Variants in ZNF701 observed in about 807,000 individuals in gnomAD.
The protein encoded by ZNF701 is zinc finger protein 701.
Under a neutral mutation model 7.1 loss-of-function variants are expected in ZNF701, and 6 were observed. The ratio of observed to expected loss-of-function variants is 0.84; its 90% CI spans 0.46 to 1.66. The LOEUF (loss-of-function observed/expected upper bound fraction) is 1.66. ZNF701 is among the 40% of genes most tolerant of loss of function. The pLI, the probability that ZNF701 is intolerant of heterozygous loss-of-function variation, is 0.01. For synonymous variants in ZNF701, 166 were observed against 188.2 expected, an observed-to-expected ratio of 0.88 and a Z score of 0.97; for missense variants, 541 against 559.2, an observed-to-expected ratio of 0.97 and a Z score of 0.33.
At position 52,584,810 on chromosome 19, in the gene ZNF701, T is replaced by C. The variant is rs1380055956; in HGVS notation, c.*1353T>C. ...AATGTGTTGATTAGTTCCAGTAGTA[T>C]TTTGGTTGACTCAGGCCCCGCCCAC... On this transcript the variant is annotated 3_prime_UTR_variant, in exon 4 of 4. Transcript: ENST00000391785. 2 of 152,226 alleles carry C rather than the reference T, an allele frequency of 1.3e-5. No individual in the cohort carries two copies. The highest frequency in any genetic ancestry group is 4.1e-4 in the South Asian group (2 of 4,838). 9.4% of individuals were successfully genotyped at this position (152,226 alleles called of 1,614,324 possible).
At chr19:52,597,147 C>T in the ZNF701 span, 3 of 675,954 alleles carry the variant, frequency 4.4e-6, no homozygotes, top group Non-Finnish European at 7.9e-6. Context: ...AGTTTATCAG[C>T]GAACTCATAC....
chr19:52,587,709 A>T (rs2060020405), downstream of ZNF701, among the ~76,000 whole-genome samples: 1 of 152,224 alleles, frequency 6.6e-6, no homozygotes. Flanking sequence ...GGCTGGCGCC[A>T]TCTGAGTGGA....
intron 2 of ZNF701, among the ~76,000 whole-genome samples, chr19:52,574,935 T>C (rs2059923335): frequency 6.7e-6 from 1 of 149,440 alleles, no homozygotes; most frequent in Non-Finnish European, 1.5e-5. Context: ...TCCTCTTCAG[T>C]TAAACAAAAT....
chr19:52,595,822 C>A, the ZNF701 span: 1 of 1,610,346 alleles, frequency 6.2e-7, no homozygotes, highest in South Asian at 1.1e-5. Context: ...TGACAGAAAC[C>A]AAAGAGTTGA....
downstream of ZNF701, among the ~76,000 whole-genome samples, chr19:52,590,781 A>G (rs1453071404): frequency 3.3e-5 from 5 of 152,092 alleles, no homozygotes; most frequent in Admixed American, 2.0e-4. Flanking sequence ...AGTTAATTTA[A>G]GTGTGTGTGG....
At chr19:52,592,317 C>T in the ZNF701 span, 27 of 1,313,848 alleles carry the variant, frequency 2.1e-5, no homozygotes, top group African/African-American at 2.8e-4. Context: ...TGATGTTGCC[C>T]CATACATGCT....
At chr19:52,571,672 T>C (rs2059901103) in intron 1 of ZNF701, among the ~76,000 whole-genome samples, 2 of 152,006 alleles carry the variant, frequency 1.3e-5, no homozygotes, top group Admixed American at 6.5e-5. Flanking sequence ...CCAAGCATTC[T>C]TGATTGAAAA....
rs201183096 is a variant in ZNF701, at chr19:52,576,623, GT to G, written c.142+604del. Among the ~76,000 whole-genome samples the G allele has an allele frequency of 5.6e-5, 8 of 143,106 alleles. No individual in the cohort carries two copies. The East Asian group carries it at 1.5e-3, about 28-fold the overall frequency. 93.9% of individuals were successfully genotyped at this position (143,106 alleles called of 152,430 possible). On this transcript the variant is annotated intron_variant, in intron 3 of 3. Transcript: ENST00000391785. ...CTTTTCCTGTGCTTTCGATTCAGTA[GT>G]TCTTGGAAGAGAGCTTGATGTCCAC...
At position 52,586,782 on chromosome 19, in the gene ZNF701, A is replaced by G. The variant is rs1341453358; in HGVS notation, c.*3325A>G. On this transcript the variant is annotated 3_prime_UTR_variant, in exon 4 of 4. Coordinates refer to ENST00000391785, the MANE Select transcript of ZNF701 (RefSeq NM_018260.3). The stretch of plus-strand genomic sequence containing the variant: ...CACTGACCCCTGAAATGATGGGCAC[A>G]ATGGAGTGTGTGGCTTTTCCTGTAG... 6.6e-6 allele frequency: 1 copy of G among 152,222 alleles called. No individual in the cohort carries two copies. Among genetic ancestry groups the G allele is most frequent in the Non-Finnish European group, 1.5e-5 (1 of 68,042 alleles). 9.4% of individuals were successfully genotyped at this position (152,222 alleles called of 1,614,324 possible). A position where few individuals can be genotyped will look rare whatever the true frequency, so the allele number is the denominator to read the frequency against.
chr19:52,596,865 A>C, the ZNF701 span: 1 of 550,502 alleles, frequency 1.8e-6, no homozygotes, highest in Non-Finnish European at 3.7e-6. Context: ...TAAGGTTTCT[A>C]ATCAACAATC....
At chr19:52,581,147 A>T (rs544869) in intron 3 of ZNF701, among the ~76,000 whole-genome samples, 27,287 of 151,884 alleles carry the variant, frequency 0.18, 3,672 homozygotes, top group African/African-American at 0.38. Flanking sequence ...CAAAATTTTT[A>T]AAAAAAAGTC....
chr19:52,575,285 A>G (rs2059926669), intron 2 of ZNF701, among the ~76,000 whole-genome samples: 1 of 151,986 alleles, frequency 6.6e-6, no homozygotes, highest in Non-Finnish European at 1.5e-5. Flanking sequence ...TTGTATTTTT[A>G]AAACCTTTAT....
At position 52,573,015 on chromosome 19, in the gene ZNF701, G is replaced by C. The variant is rs184431009; in HGVS notation, c.-71-1062G>C. On this transcript the variant is annotated intron_variant, in intron 1 of 3. Coordinates refer to ENST00000391785, the MANE Select transcript of ZNF701 (RefSeq NM_018260.3). ...CAACTGAATTTCCCTCTGCCCATCA[G>C]TCTCTATCACATTACTCAGGTTTTA... The C allele has an allele frequency of 3.4e-5, 9 of 265,424 alleles. No individual in the cohort carries two copies. In the East Asian group the frequency reaches 1.0e-3, roughly 31 times the overall value. 16.4% of individuals were successfully genotyped at this position (265,424 alleles called of 1,614,324 possible).
In ZNF701 at chr19:52,583,099, T is replaced by A. The variant is rs765927537; in HGVS notation, c.1040T>A (p.Ile347Asn). 14 of 1,613,572 alleles carry A rather than the reference T, an allele frequency of 8.7e-6. No individual in the cohort carries two copies. The East Asian group carries it at 2.2e-4, about 26-fold the overall frequency. Residue 347 changes from isoleucine (I) to asparagine (N), a missense_variant, in exon 4 of 4, where the codon ATT (isoleucine) becomes AAT (asparagine). Coordinates refer to ENST00000391785, the MANE Select transcript of ZNF701 (RefSeq NM_018260.3). ...RKSHLERHRR[I>N]HTGEKPYKCK... Reference sequence around the variant, plus strand: ...TCACACCTTGAAAGACATAGGAGAATTCACACTGGAGAGAAACCATACAAA... The same window carrying A: ...TCACACCTTGAAAGACATAGGAGAAATCACACTGGAGAGAAACCATACAAA...
At position 52,582,872 on chromosome 19, in the gene ZNF701, G is replaced by A. The variant is rs773376969; in HGVS notation, c.813G>A (p.Thr271=). The change falls in exon 4 of 4, where the codon ACG becomes ACA. Residue 271 remains threonine (T), a synonymous_variant. Transcript: ENST00000391785. The part of the protein sequence containing the change: ...HRCHTGENPY[T]CNECGKTFSH... ...GTCACACTGGTGAGAATCCTTACAC[G>A]TGTAATGAGTGTGGCAAGACATTCA... The A allele has an allele frequency of 1.2e-6, 2 of 1,613,178 alleles. No individual in the cohort carries two copies. The highest frequency in any genetic ancestry group is 1.7e-6 in the Non-Finnish European group (2 of 1,179,294).
intron 1 of ZNF701, among the ~76,000 whole-genome samples, chr19:52,571,238 G>GAC (rs1286017565): frequency 6.7e-6 from 1 of 148,640 alleles, no homozygotes; most frequent in Non-Finnish European, 1.5e-5. Flanking sequence ...CAGAGTGAGA[G>GAC]AGAGAGAGAG....
the ZNF701 span, chr19:52,596,720 A>G: frequency 2.0e-6 from 1 of 500,914 alleles, no homozygotes; most frequent in African/African-American, 2.0e-5. Context: ...GTATGGAAAG[A>G]CCTTTGCTCA....
intron 3 of ZNF701, among the ~76,000 whole-genome samples, chr19:52,580,882 G>A (rs145533049): frequency 1.3e-5 from 1 of 79,534 alleles, no homozygotes; most frequent in Non-Finnish European, 3.8e-5. Context: ...CCAGGACTTC[G>A]GGAGGCTGAG....
intron 1 of ZNF701, among the ~76,000 whole-genome samples, chr19:52,571,375 T>A: frequency 6.7e-6 from 1 of 150,120 alleles, no homozygotes; most frequent in Non-Finnish European, 1.5e-5. Context: ...GGACGGGGGG[T>A]AAAACAGAGA....
Sources: gnomAD v4.1 joint callset for allele counts (sites outside exome capture counted in the v4.1 genomes callset) on GRCh38, gnomAD v4.1.1 for gene constraint, MANE v1.5 for transcripts, NCBI Gene and HGNC (gene_info 2026-07-23, HGNC 2026-07-21) for gene names.